The following PROX1 variants were observed in gnomAD, a reference collection of about 807,000 sequenced individuals.
PROX1 encodes the protein prospero homeobox protein 1.
PROX1 carries 7 observed loss-of-function variants against 58.8 expected under a neutral mutation model. The observed-to-expected ratio is 0.12, with a 90% CI of 0.07 to 0.22. PROX1 has a LOEUF of 0.22. Ranked by LOEUF, PROX1 falls within the 10% of genes least tolerant of loss-of-function variation. The pLI is 1.00. For missense variants in PROX1, 675 were observed against 927.8 expected, an observed-to-expected ratio of 0.73 and a Z score of 3.54; for synonymous variants, 350 against 358.3, an observed-to-expected ratio of 0.98 and a Z score of 0.26.
rs116574937 is a variant in PROX1, at chr1:214,004,968, C to T, written c.1726-197C>T. 3.0e-3 allele frequency among the ~76,000 whole-genome samples: 460 copies of T among 152,280 alleles called. 2 individuals are homozygous for T. The highest frequency in any genetic ancestry group is 0.011 in the African/African-American group (443 of 41,552). On this transcript the variant is annotated intron_variant, in intron 2 of 4. Coordinates refer to ENST00000366958, the MANE Select transcript of PROX1 (RefSeq NM_001270616.2). Reference sequence around the variant, plus strand: ...TGTGCATCCTCACCATTGCATGTGGCAACCTCTGACAGGCGACGGTCACTG... The same window carrying T: ...TGTGCATCCTCACCATTGCATGTGGTAACCTCTGACAGGCGACGGTCACTG...
At chr1:214,022,696 G>A (rs903741620) in intron 4 of PROX1, among the ~76,000 whole-genome samples, 2 of 152,160 alleles carry the variant, frequency 1.3e-5, no homozygotes, top group East Asian at 3.8e-4. Flanking sequence ...CCTCATTGTG[G>A]TCTACTGTGC....
chr1:214,004,913 C>T (rs1056759845), intron 2 of PROX1, among the ~76,000 whole-genome samples: 8 of 152,156 alleles, frequency 5.3e-5, no homozygotes, highest in African/African-American at 1.9e-4. Context: ...CCATCCTCAC[C>T]CTAAAGTAGC....
At position 214,036,302 on chromosome 1, in the gene PROX1, A is replaced by G. The variant is rs1221727830; in HGVS notation, c.*468A>G. On this transcript the variant is annotated 3_prime_UTR_variant, in exon 5 of 5. Transcript: ENST00000366958. The stretch of plus-strand genomic sequence containing the variant: ...AAAATTTAATGAAACCACTTCATAC[A>G]TTTAAGTATTTTGTTTGGTTTGAAC... 6.6e-6 allele frequency: 1 copy of G among 152,368 alleles called. No individual in the cohort carries two copies. 9.4% of individuals were successfully genotyped at this position (152,368 alleles called of 1,614,324 possible).
intron 4 of PROX1, among the ~76,000 whole-genome samples, chr1:214,015,594 T>A (rs1571827349): frequency 6.6e-6 from 1 of 151,364 alleles, no homozygotes; most frequent in South Asian, 2.1e-4. Flanking sequence ...CTGAGGCTGG[T>A]TTACCTGTTT....
chr1:214,000,935 A>G (rs963195704), intron 2 of PROX1, among the ~76,000 whole-genome samples: 8 of 152,204 alleles, frequency 5.3e-5, no homozygotes, highest in African/African-American at 1.9e-4. Flanking sequence ...GGGGCCATAT[A>G]TGATCCGGTT....
At chr1:214,011,837 A>C in intron 4 of PROX1, 122 bp downstream of exon 4, 1 of 754,004 alleles carries the variant, frequency 1.3e-6, no homozygotes, top group Non-Finnish European at 2.0e-6. Flanking sequence ...CCCCCAATAG[A>C]GTAACAGGTA....
At position 214,040,163 on chromosome 1, in the gene PROX1, T is replaced by C. The variant is rs1428692729; in HGVS notation, c.*4329T>C. Reference sequence around the variant, plus strand: ...CACTTAAATGTTATGTTGAAGGAAATGCAGTTTTGTTTTCTGTAGATCTGT... The same window carrying C: ...CACTTAAATGTTATGTTGAAGGAAACGCAGTTTTGTTTTCTGTAGATCTGT... On this transcript the variant is annotated 3_prime_UTR_variant, in exon 5 of 5. Transcript: ENST00000366958. The C allele has an allele frequency of 6.6e-6, 1 of 152,202 alleles. No individual in the cohort carries two copies. Among genetic ancestry groups the C allele is most frequent in the Non-Finnish European group, 1.5e-5 (1 of 68,024 alleles). The allele number at this position is 152,202 out of a possible 1,614,324, so 9.4% of individuals were successfully genotyped here.
intron 2 of PROX1, among the ~76,000 whole-genome samples, chr1:213,999,654 AG>A (rs1663421491): frequency 6.6e-6 from 1 of 152,162 alleles, no homozygotes; most frequent in East Asian, 1.9e-4. Context: ...TGTAACAGAA[AG>A]GGAAGAGAAA....
chr1:213,998,400 T>A, intron 2 of PROX1, 140 bp downstream of exon 2: 1 of 1,063,042 alleles, frequency 9.4e-7, no homozygotes, highest in South Asian at 2.7e-5. Flanking sequence ...AGGAATAGGC[T>A]TTTATCAGCA....
At position 214,005,271 on chromosome 1, in the gene PROX1, A is replaced by G; in HGVS notation, c.1832A>G (p.Lys611Arg). 1 of 1,601,300 alleles carries G rather than the reference A, an allele frequency of 6.2e-7. No individual in the cohort carries two copies. Among genetic ancestry groups the G allele is most frequent in the Non-Finnish European group, 8.5e-7 (1 of 1,171,404 alleles). Residue 611 changes from lysine to arginine, a missense_variant and splice_region_variant, in exon 3 of 5, where the codon AAG becomes AGG. Transcript: ENST00000366958. The part of the protein sequence containing the change: ...NMLKTYFSDV[K>R]FNRCITSQLI... Reference sequence around the variant, plus strand: ...CTGAAGACCTACTTCTCCGACGTAAAGGTAGGGACTTTTTTTATTCTTAAT... The same window carrying G: ...CTGAAGACCTACTTCTCCGACGTAAGGGTAGGGACTTTTTTTATTCTTAAT...
At chr1:213,983,830 T>C (rs1040993768), upstream of PROX1, 3 of 151,864 alleles carry the variant, frequency 2.0e-5, no homozygotes, top group African/African-American at 4.9e-5. Context: ...TTTGGTTTTT[T>C]TAAATCACGG....
intron 4 of PROX1, chr1:214,029,790 G>A (rs1212860719): frequency 1.3e-5 from 2 of 152,162 alleles, no homozygotes; most frequent in African/African-American, 4.8e-5. Context: ...TTTTGTTTCT[G>A]GGTGTGGGGA....
chr1:213,988,073 C>G lies in PROX1; in HGVS notation c.-478C>G, dbSNP rs1382502376. 2 of 152,080 alleles carry G rather than the reference C, an allele frequency of 1.3e-5. No individual in the cohort carries two copies. Among genetic ancestry groups the G allele is most frequent in the African/African-American group, 4.8e-5 (2 of 41,274 alleles). The allele number at this position is 152,080 out of a possible 1,614,324, so 9.4% of individuals were successfully genotyped here. ...GTCCGCCTGCTCCCTCTCCGCTTCG[C>G]TCCTCTTCTCTTCTTTACCCTTCTC... On this transcript the variant is annotated 5_prime_UTR_variant, in exon 1 of 5. Transcript: ENST00000366958.
chr1:214,027,681 G>A (rs776865578), intron 4 of PROX1, among the ~76,000 whole-genome samples: 18 of 152,182 alleles, frequency 1.2e-4, no homozygotes, highest in Non-Finnish European at 2.1e-4. Flanking sequence ...CGTCTGCCCC[G>A]TTTTGAAACT....
rs1022188540 is a variant in PROX1, at chr1:214,037,489, G to A, written c.*1655G>A. On this transcript the variant is annotated 3_prime_UTR_variant, in exon 5 of 5. Transcript: ENST00000366958. ...GCTGACCCGATCGCTGTAATTTAACGTCATTTATAAATTCTGCTGATGGAC... is the reference window on the plus strand; with the variant it reads ...GCTGACCCGATCGCTGTAATTTAACATCATTTATAAATTCTGCTGATGGAC... The A allele has an allele frequency of 3.3e-5, 5 of 152,162 alleles. No homozygotes were observed. Among genetic ancestry groups the A allele is most frequent in the South Asian group, 2.1e-4 (1 of 4,826 alleles). The allele number at this position is 152,162 out of a possible 1,614,324, so 9.4% of individuals were successfully genotyped here.
At chr1:214,005,315 T>C (rs374983914) in intron 3 of PROX1, 43 bp downstream of exon 3, 46 of 1,477,278 alleles carry the variant, frequency 3.1e-5, no homozygotes, top group Non-Finnish European at 4.3e-5. Context: ...TTTCTATGCA[T>C]GTGGCAGTAA....
intron 4 of PROX1, among the ~76,000 whole-genome samples, chr1:214,023,251 G>A (rs948070771): frequency 1.3e-5 from 2 of 152,066 alleles, no homozygotes; most frequent in Admixed American, 6.6e-5. Context: ...TTCCATGCAG[G>A]CCTCAACACA....
rs553380743 is a variant in PROX1 at position 214,005,073 on chromosome 1, C to T, written c.1726-92C>T. ...AGCACTCCCACCGCAGCTTGATGGA[C>T]CCCCAGACTCTATGGAGGTGGGGAC... On this transcript the variant is annotated intron_variant, in intron 2 of 4. Transcript: ENST00000366958. The T allele has an allele frequency of 2.3e-5, 22 of 963,348 alleles. No homozygotes were observed. In the African/African-American group the frequency reaches 3.1e-4, roughly 14 times the overall value. 59.7% of individuals were successfully genotyped at this position (963,348 alleles called of 1,614,324 possible).
chr1:213,994,079 G>A (rs375134213), intron 1 of PROX1, among the ~76,000 whole-genome samples: 23 of 152,298 alleles, frequency 1.5e-4, no homozygotes, highest in African/African-American at 5.5e-4. Flanking sequence ...ATGAGAGGAA[G>A]TGCAGTTGAC....
Sources: allele counts gnomAD v4.1 joint callset (sites outside exome capture counted in the v4.1 genomes callset), GRCh38; gene constraint gnomAD v4.1.1; transcripts MANE v1.5; gene names NCBI Gene and HGNC (gene_info 2026-07-23, HGNC 2026-07-21).